Variants in TMEM132D observed in about 807,000 individuals in gnomAD.
The protein encoded by TMEM132D is transmembrane protein 132D.
In TMEM132D, 21 loss-of-function variants were observed where a neutral mutation model predicts 62.3. The ratio of observed to expected loss-of-function variants is 0.34; its 90% CI spans 0.24 to 0.49. TMEM132D has a LOEUF of 0.49. Ranked by LOEUF, TMEM132D falls within the 20% of genes least tolerant of loss-of-function variation. The pLI is 0.99. For synonymous variants in TMEM132D, 621 were observed against 575.6 expected, an observed-to-expected ratio of 1.08 and a Z score of -1.13; for missense variants, 1,346 against 1,402.8, an observed-to-expected ratio of 0.96 and a Z score of 0.65.
intron 5 of TMEM132D, among the ~76,000 whole-genome samples, chr12:129,169,488 C>CTTG (rs1183713447): frequency 1.3e-5 from 2 of 152,216 alleles, no homozygotes; most frequent in Non-Finnish European, 2.9e-5. Flanking sequence ...CTAGGACTGG[C>CTTG]AATCTCTGAG....
intron 3 of TMEM132D, among the ~76,000 whole-genome samples, chr12:129,404,156 C>T (rs1264471893): frequency 1.3e-5 from 2 of 151,856 alleles, no homozygotes; most frequent in African/African-American, 4.8e-5. Flanking sequence ...GGGTATTAGG[C>T]CATTTTGCAT....
At chr12:129,205,569 A>G (rs1409658601) in intron 5 of TMEM132D, among the ~76,000 whole-genome samples, 1 of 152,200 alleles carries the variant, frequency 6.6e-6, no homozygotes, top group Non-Finnish European at 1.5e-5. Flanking sequence ...TAATAGTGGG[A>G]AACTTCAACA....
At chr12:129,573,955 A>G (rs1439151826) in intron 2 of TMEM132D, among the ~76,000 whole-genome samples, 2 of 151,890 alleles carry the variant, frequency 1.3e-5, no homozygotes, top group African/African-American at 4.9e-5. Flanking sequence ...ATGGGAACTG[A>G]TGAAGGAGAT....
At chr12:129,744,876 C>G (rs1473603833) in intron 1 of TMEM132D, among the ~76,000 whole-genome samples, 1 of 152,152 alleles carries the variant, frequency 6.6e-6, no homozygotes, top group Non-Finnish European at 1.5e-5. Context: ...CCACCCAAAT[C>G]TCATCTTGAA....
Position 129,277,850 on chromosome 12 carries a change from C to T in TMEM132D, c.1299+59784G>A, listed in dbSNP as rs1881041259. 6.6e-6 allele frequency among the ~76,000 whole-genome samples: 1 copy of T among 152,154 alleles called. No homozygotes were observed. The highest frequency in any genetic ancestry group is 1.5e-5 in the Non-Finnish European group (1 of 68,030). On this transcript the variant is annotated intron_variant, in intron 4 of 8. Coordinates refer to ENST00000422113, the MANE Select transcript of TMEM132D (RefSeq NM_133448.3). This position sits in a 1 kb window ranked among gnomAD's most constrained non-coding sequence, Gnocchi z 4.2. Reference sequence around the variant, plus strand: ...CTGACCCAGAGGATGGATCCTTAGGCTTAAGAACTCCCTGGTTCATCTCAC... The same window carrying T: ...CTGACCCAGAGGATGGATCCTTAGGTTTAAGAACTCCCTGGTTCATCTCAC...
intron 5 of TMEM132D, among the ~76,000 whole-genome samples, chr12:129,158,715 A>G (rs548859529): frequency 6.0e-4 from 92 of 152,294 alleles, no homozygotes; most frequent in African/African-American, 2.1e-3. Context: ...AATTTCAGAA[A>G]AAAAGAGTCT....
At chr12:129,387,032 C>T (rs1871124909) in intron 3 of TMEM132D, among the ~76,000 whole-genome samples, 1 of 152,030 alleles carries the variant, frequency 6.6e-6, no homozygotes, top group African/African-American at 2.4e-5. Flanking sequence ...CTAACACTAA[C>T]AGTAGTACTA....
intron 5 of TMEM132D, among the ~76,000 whole-genome samples, chr12:129,205,999 C>T (rs1295420067): frequency 6.6e-6 from 1 of 151,966 alleles, no homozygotes; most frequent in Non-Finnish European, 1.5e-5. Context: ...CTATAGAAAC[C>T]CTGGAAGATA....
chr12:129,255,139 C>T (rs952480817), intron 4 of TMEM132D, among the ~76,000 whole-genome samples: 9 of 152,220 alleles, frequency 5.9e-5, no homozygotes, highest in African/African-American at 2.2e-4. Flanking sequence ...TCACCTTCCA[C>T]CGCGACTGCA....
intron 4 of TMEM132D, among the ~76,000 whole-genome samples, chr12:129,251,384 GAA>G (rs974356837): frequency 1.7e-5 from 2 of 120,590 alleles, no homozygotes; most frequent in African/African-American, 6.6e-5. Context: ...AAAAAAAAAA[GAA>G]GAGAGAAAAG....
intron 4 of TMEM132D, among the ~76,000 whole-genome samples, chr12:129,256,474 G>T (rs557670223): frequency 6.6e-6 from 1 of 152,216 alleles, no homozygotes; most frequent in South Asian, 2.1e-4. Context: ...AGGCTGGAGT[G>T]CAGTGGCACA....
intron 5 of TMEM132D, among the ~76,000 whole-genome samples, chr12:129,122,742 T>C (rs545527871): frequency 5.9e-5 from 9 of 152,364 alleles, no homozygotes; most frequent in Non-Finnish European, 1.3e-4. Context: ...ATAATAAATG[T>C]ACCCTACATT....
chr12:129,283,035 G>A (rs1455823983), intron 4 of TMEM132D, among the ~76,000 whole-genome samples: 1 of 152,138 alleles, frequency 6.6e-6, no homozygotes, highest in Non-Finnish European at 1.5e-5. Context: ...CTTATACTAA[G>A]TATCTGAGGG....
chr12:129,525,245 T>G (rs1370175913), intron 3 of TMEM132D, among the ~76,000 whole-genome samples: 2 of 142,572 alleles, frequency 1.4e-5, no homozygotes, highest in Admixed American at 7.1e-5. Context: ...TTTTTTTTTT[T>G]TTTTTTTTTT....
chr12:129,349,946 C>T (rs1195665603), intron 3 of TMEM132D, among the ~76,000 whole-genome samples: 1 of 152,156 alleles, frequency 6.6e-6, no homozygotes, highest in Admixed American at 6.5e-5. Flanking sequence ...GCATGGAGGT[C>T]AGTCTTCGGG....
intron 1 of TMEM132D, among the ~76,000 whole-genome samples, chr12:129,854,289 C>T (rs1450372854): frequency 1.3e-5 from 2 of 152,128 alleles, no homozygotes; most frequent in Admixed American, 1.3e-4. Context: ...ATTCTCACCC[C>T]GGCCTCTGAG....
chr12:129,606,085 T>A (rs1878617924), intron 2 of TMEM132D, among the ~76,000 whole-genome samples: 1 of 152,292 alleles, frequency 6.6e-6, no homozygotes, highest in African/African-American at 2.4e-5. Context: ...AAAAAGACAC[T>A]TTCTCTGCAC....
chr12:129,576,853 G>A lies in TMEM132D; in HGVS notation c.969-45648C>T, dbSNP rs944491491. ...GTAGGCTAGAGAAAAGAGAACGCTC[G>A]GAAAATCATAAGAAAGAGAAAACAC... On this transcript the variant is annotated intron_variant, in intron 2 of 8. Coordinates refer to ENST00000422113, the MANE Select transcript of TMEM132D (RefSeq NM_133448.3). 2.4e-4 allele frequency among the ~76,000 whole-genome samples: 36 copies of A among 151,814 alleles called. 1 individual carries two copies. Among genetic ancestry groups the A allele is most frequent in the African/African-American group, 4.6e-4 (19 of 41,158 alleles).
At chr12:129,299,831 C>T (rs776116185) in intron 4 of TMEM132D, among the ~76,000 whole-genome samples, 10 of 152,010 alleles carry the variant, frequency 6.6e-5, no homozygotes, top group African/African-American at 9.7e-5. Flanking sequence ...CCTTTTGTGC[C>T]GTAAAGTTAA....
Sources: allele counts gnomAD v4.1 joint callset (sites outside exome capture counted in the v4.1 genomes callset), GRCh38; gene constraint gnomAD v4.1.1; non-coding constraint Gnocchi (gnomAD v3.1); transcripts MANE v1.5; gene names NCBI Gene and HGNC (gene_info 2026-07-23, HGNC 2026-07-21).